The following IKBKE variants were observed in gnomAD, a reference collection of about 807,000 sequenced individuals.
IKBKE encodes inhibitor of nuclear factor kappa-B kinase subunit epsilon.
A neutral mutation model predicts 92.1 loss-of-function variants in IKBKE; 45 were observed. The ratio of observed to expected loss-of-function variants is 0.49; its 90% CI spans 0.38 to 0.63. The LOEUF (loss-of-function observed/expected upper bound fraction) is 0.63. Ranked by LOEUF, IKBKE falls within the 20% of genes least tolerant of loss-of-function variation. IKBKE has a pLI of 0.00. For synonymous variants in IKBKE, 374 were observed against 380.3 expected, an observed-to-expected ratio of 0.98 and a Z score of 0.19; for missense variants, 700 against 932.8, an observed-to-expected ratio of 0.75 and a Z score of 3.25.
chr1:206,488,100 C>T (rs916126634), intron 16 of IKBKE, 110 bp downstream of exon 16: 20 of 770,338 alleles, frequency 2.6e-5, no homozygotes, highest in East Asian at 5.4e-5. Flanking sequence ...GCTAAGTGGC[C>T]GCTAACCTCC....
In IKBKE at chr1:206,484,903, T is replaced by C; in HGVS notation, c.1428-94T>C. 11 of 1,000,380 alleles carry C rather than the reference T, an allele frequency of 1.1e-5. No individual in the cohort carries two copies. The South Asian group carries it at 1.5e-4, about 13-fold the overall frequency. The allele number at this position is 1,000,380 out of a possible 1,614,324, so 62.0% of individuals were successfully genotyped here. On this transcript the variant is annotated intron_variant, in intron 13 of 21. Transcript: ENST00000581977. ...AGAGCCACCAAGGCTGTCCCACAGA[T>C]GCTATGCCCAGCATGTGCCAACAGA...
Position 206,476,224 on chromosome 1 carries a change from C to A in IKBKE, c.402C>A (p.Arg134=). 2 of 1,614,138 alleles carry A rather than the reference C, an allele frequency of 1.2e-6. No individual in the cohort carries two copies. Among genetic ancestry groups the A allele is most frequent in the Admixed American group, 1.7e-5 (1 of 60,012 alleles). The change falls in exon 6 of 22, where the codon CGC becomes CGA. Residue 134 remains arginine (R), a synonymous_variant. Coordinates refer to ENST00000581977, the MANE Select transcript of IKBKE (RefSeq NM_014002.4). This position sits in a 1 kb window ranked among gnomAD's most constrained non-coding sequence, Gnocchi z 5.1. The part of the protein sequence containing the change: ...NHLRENGIVH[R]DIKPGNIMRL... ...TGCGGGAGAACGGCATTGTGCATCG[C>A]GACATCAAGCCGGGGAACATCATGC...
Position 206,485,134 on chromosome 1 carries a change from A to G in IKBKE, c.1504-60A>G, listed in dbSNP as rs1051958081. 6.3e-7 allele frequency: 1 copy of G among 1,590,116 alleles called. No homozygotes were observed. ...AGAGCTGGGGGCCCGTGTTCCAGCC[A>G]GCCTGCCCACCAGTGCCCAGGCTGA... is the stretch of plus-strand genomic sequence containing the variant. On this transcript the variant is annotated intron_variant, in intron 14 of 21. Transcript: ENST00000581977. The surrounding 1 kb of genome is among the most constrained non-coding windows in gnomAD (Gnocchi z 5.0).
rs782787756 is a variant in IKBKE at position 206,476,239 on chromosome 1, G to C, written c.417G>C (p.Gly139=). The change falls in exon 6 of 22, where the codon GGG becomes GGC. Residue 139 remains glycine, a synonymous_variant. Coordinates refer to ENST00000581977, the MANE Select transcript of IKBKE (RefSeq NM_014002.4). The surrounding 1 kb of genome is among the most constrained non-coding windows in gnomAD (Gnocchi z 5.1). ...NGIVHRDIKP[G]NIMRLVGEEG... ...TTGTGCATCGCGACATCAAGCCGGG[G>C]AACATCATGCGCCTCGTAGGGGAGG... is the stretch of plus-strand genomic sequence containing the variant. The C allele has an allele frequency of 6.2e-7, 1 of 1,614,154 alleles. No homozygotes were observed. The highest frequency in any genetic ancestry group is 8.5e-7 in the Non-Finnish European group (1 of 1,180,022).
Position 206,494,215 on chromosome 1 carries a change from G to A in IKBKE, c.2117+224G>A, listed in dbSNP as rs369033305. ...AAATGTGAGCCTCCATGCTGTCAGG[G>A]AGATGGGGGCCTGGAGGCATGGGGT... On this transcript the variant is annotated intron_variant, in intron 21 of 21. Transcript: ENST00000581977. Among the ~76,000 whole-genome samples the A allele has an allele frequency of 1.1e-4, 16 of 152,332 alleles. No individual in the cohort carries two copies. The East Asian group carries it at 2.1e-3, about 20-fold the overall frequency.
At position 206,493,330 on chromosome 1, in the gene IKBKE, C is replaced by T. The variant is rs1553391194; in HGVS notation, c.1997C>T (p.Pro666Leu). 2.5e-6 allele frequency: 4 copies of T among 1,614,000 alleles called. No individual in the cohort carries two copies. The highest frequency in any genetic ancestry group is 3.4e-6 in the Non-Finnish European group (4 of 1,179,992). The change falls in exon 20 of 22, where the codon CCT (proline) becomes CTT (leucine). Residue 666 changes from proline to leucine, a missense_variant. Coordinates refer to ENST00000581977, the MANE Select transcript of IKBKE (RefSeq NM_014002.4). ...GCAAAGGGGGCTCAGGCCTCGCCGC[C>T]TCCCATAGCTCCTTACCCCAGCCCT... ...DRAKGAQASP[P>L]PIAPYPSPTR... is the part of the protein sequence containing the mutation.
In IKBKE at chr1:206,480,142, G is replaced by A. The variant is rs1553386638; in HGVS notation, c.1340+29G>A. On this transcript the variant is annotated intron_variant, in intron 12 of 21. Coordinates refer to ENST00000581977, the MANE Select transcript of IKBKE (RefSeq NM_014002.4). The stretch of plus-strand genomic sequence containing the variant: ...AGTAATCATGAGGGCTGGGCACAGA[G>A]GGGGAGGCGGGCAGGAGAGGGAGGC... 8 of 1,505,268 alleles carry A rather than the reference G, an allele frequency of 5.3e-6. No individual in the cohort carries two copies. The South Asian group carries it at 6.2e-5, about 12-fold the overall frequency. The allele number at this position is 1,505,268 out of a possible 1,614,324, so 93.2% of individuals were successfully genotyped here.
intron 21 of IKBKE, 70 bp from the exon 22 acceptor site, chr1:206,496,042 T>A: frequency 8.4e-7 from 1 of 1,196,914 alleles, no homozygotes; most frequent in South Asian, 1.2e-5. Flanking sequence ...CTAATTGTGC[T>A]GGGCCCTGGA....
rs782219958 is a variant in IKBKE, at chr1:206,474,400, G to A, written c.157G>A (p.Val53Met). The change falls in exon 4 of 22, where the codon GTG becomes ATG. Residue 53 changes from valine (V) to methionine (M), a missense_variant. Coordinates refer to ENST00000581977, the MANE Select transcript of IKBKE (RefSeq NM_014002.4). ...TSYLRPREVQ[V>M]REFEVLRKLN... ...CTACCTGCGGCCCCGCGAGGTGCAG[G>A]TGAGGGAGTTTGAGGTCCTGCGGAA... The A allele has an allele frequency of 1.9e-5, 31 of 1,614,036 alleles. No individual in the cohort carries two copies. Among genetic ancestry groups the A allele is most frequent in the Admixed American group, 5.0e-5 (3 of 60,012 alleles).
At position 206,485,637 on chromosome 1, in the gene IKBKE, C is replaced by T. The variant is rs149155588; in HGVS notation, c.1616+331C>T. 3.1e-4 allele frequency among the ~76,000 whole-genome samples: 47 copies of T among 152,282 alleles called. No individual in the cohort carries two copies. The highest frequency in any genetic ancestry group is 9.9e-4 in the African/African-American group (41 of 41,556). ...TCAGGCCCTTGGGTAGGTCCTCTCACGTACAGCATCTCGTTGAATCCTGAA... is the reference window on the plus strand; with the variant it reads ...TCAGGCCCTTGGGTAGGTCCTCTCATGTACAGCATCTCGTTGAATCCTGAA... On this transcript the variant is annotated intron_variant, in intron 15 of 21. Transcript: ENST00000581977. This position sits in a 1 kb window ranked among gnomAD's most constrained non-coding sequence, Gnocchi z 5.0.
Position 206,494,064 on chromosome 1 carries a change from C to T in IKBKE, c.2117+73C>T, listed in dbSNP as rs1351008836. The T allele has an allele frequency of 4.7e-6, 6 of 1,285,902 alleles. No homozygotes were observed. In the East Asian group the frequency reaches 1.4e-4, roughly 30 times the overall value. The allele number at this position is 1,285,902 out of a possible 1,614,324, so 79.7% of individuals were successfully genotyped here. ...CCCTTGCCTGGGGGTGGTGAAGAGT[C>T]CCCAAGCCTGCCCATGCAGGTTTGA... is the stretch of plus-strand genomic sequence containing the variant. On this transcript the variant is annotated intron_variant, in intron 21 of 21. Coordinates refer to ENST00000581977, the MANE Select transcript of IKBKE (RefSeq NM_014002.4).
intron 2 of IKBKE, among the ~76,000 whole-genome samples, chr1:206,471,942 C>G (rs1177374880): frequency 1.3e-5 from 2 of 152,314 alleles, no homozygotes; most frequent in East Asian, 3.9e-4. Flanking sequence ...TCTAGTCTAG[C>G]GTTATTTAAA....
At chr1:206,482,829 C>T (rs902635025) in intron 13 of IKBKE, among the ~76,000 whole-genome samples, 3 of 152,242 alleles carry the variant, frequency 2.0e-5, no homozygotes, top group African/African-American at 7.2e-5. Context: ...GTAGATTCTC[C>T]TAAGGGCTGA....
At chr1:206,473,633 G>A (rs540486288) in intron 3 of IKBKE, among the ~76,000 whole-genome samples, 7 of 152,304 alleles carry the variant, frequency 4.6e-5, no homozygotes, top group African/African-American at 9.6e-5. Flanking sequence ...TTTATCCTGC[G>A]AGAATGTATG....
In IKBKE at chr1:206,478,485, G is replaced by A; in HGVS notation, c.992+146G>A. 2 of 811,396 alleles carry A rather than the reference G, an allele frequency of 2.5e-6. No homozygotes were observed. The highest frequency in any genetic ancestry group is 4.0e-6 in the Non-Finnish European group (2 of 502,730). The allele number at this position is 811,396 out of a possible 1,614,324, so 50.3% of individuals were successfully genotyped here. On this transcript the variant is annotated intron_variant, in intron 9 of 21. Transcript: ENST00000581977. The surrounding 1 kb of genome is among the most constrained non-coding windows in gnomAD (Gnocchi z 4.8). ...TCCAAACGTAGTTGGGAAAAGACTA[G>A]TTCTACAAAGTTAAAGCTAAACAGG...
chr1:206,483,203 G>A (rs1027555845), intron 13 of IKBKE, among the ~76,000 whole-genome samples: 1 of 152,212 alleles, frequency 6.6e-6, no homozygotes, highest in South Asian at 2.1e-4. Flanking sequence ...TTATTGTGTC[G>A]CAGGAAGGAA....
chr1:206,494,986 T>TAAAAAAA (rs33957066), intron 21 of IKBKE, among the ~76,000 whole-genome samples: 3 of 108,944 alleles, frequency 2.8e-5, no homozygotes, highest in South Asian at 2.9e-4. Context: ...ACATTTGAAG[T>TAAAAAAA]AAAAAAAAAA....
chr1:206,472,181 G>T (rs1664812326), intron 2 of IKBKE, among the ~76,000 whole-genome samples: 2 of 152,174 alleles, frequency 1.3e-5, no homozygotes, highest in Non-Finnish European at 2.9e-5. Flanking sequence ...AGCCCAGGGG[G>T]TGGAGGTTGC....
intron 4 of IKBKE, 92 bp from the exon 5 acceptor site, chr1:206,474,773 G>T: frequency 2.0e-6 from 3 of 1,472,350 alleles, no homozygotes; most frequent in South Asian, 2.6e-5. Context: ...CCTGGAGAAT[G>T]GGGGCTCTGG....
Sources: allele counts gnomAD v4.1 joint callset (sites outside exome capture counted in the v4.1 genomes callset), GRCh38; gene constraint gnomAD v4.1.1; non-coding constraint Gnocchi (gnomAD v3.1); transcripts MANE v1.5; gene names NCBI Gene and HGNC (gene_info 2026-07-23, HGNC 2026-07-21).